SLC12A6: variants seen among roughly 807,000 people sequenced by gnomAD.
SLC12A6 encodes the protein K-Cl cotransporter 3.
A neutral mutation model predicts 135.3 loss-of-function variants in SLC12A6; 66 were observed. That is an observed-to-expected ratio of 0.49 (90% CI 0.40 to 0.60). The LOEUF (loss-of-function observed/expected upper bound fraction) is 0.60. Ranked by LOEUF, SLC12A6 falls within the 20% of genes least tolerant of loss-of-function variation. The probability of loss-of-function intolerance (pLI) is 0.00; values close to 1 mark genes in which losing one functional copy is unlikely to be tolerated. For missense variants in SLC12A6, 1,058 were observed against 1,452.3 expected, an observed-to-expected ratio of 0.73 and a Z score of 4.41; for synonymous variants, 513 against 508.8, an observed-to-expected ratio of 1.01 and a Z score of -0.11.
At chr15:34,284,084 G>T (rs534357555) in intron 2 of SLC12A6, among the ~76,000 whole-genome samples, 18 of 152,014 alleles carry the variant, frequency 1.2e-4, no homozygotes, top group African/African-American at 3.9e-4. Flanking sequence ...GCTGGTTTGA[G>T]AATGGATTGT....
Position 34,233,848 on chromosome 15 carries a change from G to C in SLC12A6, c.*33C>G. The C allele has an allele frequency of 8.2e-7, 1 of 1,221,094 alleles. No individual in the cohort carries two copies. The highest frequency in any genetic ancestry group is 1.2e-6 in the Non-Finnish European group (1 of 820,506). 75.6% of individuals were successfully genotyped at this position (1,221,094 alleles called of 1,614,324 possible). On this transcript the variant is annotated 3_prime_UTR_variant, in exon 26 of 26. Coordinates refer to ENST00000354181, the MANE Select transcript of SLC12A6 (RefSeq NM_001365088.1). Reference sequence around the variant, plus strand: ...TCCATGGAGGACGTAGGCCTTTTAAGAAAACAGGTCAAGCACGGTCATTCA... The same window carrying C: ...TCCATGGAGGACGTAGGCCTTTTAACAAAACAGGTCAAGCACGGTCATTCA...
intron 13 of SLC12A6, among the ~76,000 whole-genome samples, chr15:34,249,959 C>T (rs1009537176): frequency 8.5e-5 from 13 of 152,240 alleles, no homozygotes; most frequent in African/African-American, 2.2e-4. Flanking sequence ...GGCTGGAGTA[C>T]GGTGGCACAA....
At position 34,260,991 on chromosome 15, in the gene SLC12A6, A is replaced by C; in HGVS notation, c.346T>G (p.Tyr116Asp). 6.3e-7 allele frequency: 1 copy of C among 1,577,542 alleles called. No individual in the cohort carries two copies. Among genetic ancestry groups the C allele is most frequent in the Non-Finnish European group, 8.7e-7 (1 of 1,146,770 alleles). The change falls in exon 4 of 26, where the codon TAT becomes GAT. Residue 116 changes from tyrosine (Y) to aspartate (D), a missense_variant. Physicochemically the swap from Tyr to Asp is radical, Grantham distance 160 (BLOSUM62 -3). Coordinates refer to ENST00000354181, the MANE Select transcript of SLC12A6 (RefSeq NM_001365088.1). ...TCTTCATAATTGGAATTATTGAGAT[A>C]AGCATTTCGAGCTTTCTTATGTCCG... Reference protein sequence around the residue: ...DDGHKKARNAYLNNSNYEEGD... With the variant: ...DDGHKKARNADLNNSNYEEGD...
chr15:34,285,045 A>T (rs12324422), intron 2 of SLC12A6, among the ~76,000 whole-genome samples: 4,163 of 152,310 alleles, frequency 0.027, 193 homozygotes, highest in African/African-American at 0.095. Context: ...TAGATGTTGG[A>T]GGAGGAATCA....
chr15:34,234,240 A>C (rs1891104197), intron 25 of SLC12A6, among the ~76,000 whole-genome samples: 1 of 152,238 alleles, frequency 6.6e-6, no homozygotes, highest in Non-Finnish European at 1.5e-5. Flanking sequence ...AAAAATGATG[A>C]AAGAAGAAGA....
chr15:34,274,434 A>G (rs1894162246), intron 3 of SLC12A6, among the ~76,000 whole-genome samples: 1 of 152,188 alleles, frequency 6.6e-6, no homozygotes, highest in Non-Finnish European at 1.5e-5. Context: ...TACTTTCTTT[A>G]TATATGCCTT....
rs911520895 is a variant in SLC12A6 at position 34,304,265 on chromosome 15, C to G, written c.272-28876G>C. Among the ~76,000 whole-genome samples the G allele has an allele frequency of 1.3e-5, 2 of 151,968 alleles. 1 individual carries two copies. The highest frequency in any genetic ancestry group is 4.1e-4 in the South Asian group (2 of 4,828). The stretch of plus-strand genomic sequence containing the variant: ...GGAATCAGTACTTTGTTTTTATTGC[C>G]AAATAATATTCCATTATATGGCTAT... On this transcript the variant is annotated intron_variant, in intron 2 of 25. Transcript: ENST00000354181.
chr15:34,262,077 C>G (rs1893173612), intron 3 of SLC12A6, among the ~76,000 whole-genome samples: 1 of 152,160 alleles, frequency 6.6e-6, no homozygotes, highest in South Asian at 2.1e-4. Flanking sequence ...AATTGAAACC[C>G]AACCTTCAAG....
Position 34,233,864 on chromosome 15 carries a change from C to A in SLC12A6, c.*17G>T. 2.1e-6 allele frequency: 3 copies of A among 1,410,088 alleles called. No homozygotes were observed. The highest frequency in any genetic ancestry group is 1.0e-6 in the Non-Finnish European group (1 of 993,480). The allele number at this position is 1,410,088 out of a possible 1,614,324, so 87.3% of individuals were successfully genotyped here. ...GCCTTTTAAGAAAACAGGTCAAGCACGGTCATTCAGAGTAGGTTATGAATA... is the reference window on the plus strand; with the variant it reads ...GCCTTTTAAGAAAACAGGTCAAGCAAGGTCATTCAGAGTAGGTTATGAATA... On this transcript the variant is annotated 3_prime_UTR_variant, in exon 26 of 26. Transcript: ENST00000354181.
intron 2 of SLC12A6, among the ~76,000 whole-genome samples, chr15:34,321,405 T>C (rs186799237): frequency 6.6e-6 from 1 of 152,266 alleles, no homozygotes; most frequent in East Asian, 1.9e-4. Flanking sequence ...ATGTGAGAAA[T>C]AGCTATTTAA....
At chr15:34,285,508 G>GTT (rs746968107) in intron 2 of SLC12A6, among the ~76,000 whole-genome samples, 2 of 143,362 alleles carry the variant, frequency 1.4e-5, no homozygotes, top group African/African-American at 5.0e-5. Context: ...GCTTATGATG[G>GTT]TTTTTTTTTT....
chr15:34,247,512 A>G (rs73388046), intron 13 of SLC12A6, among the ~76,000 whole-genome samples: 25,390 of 151,542 alleles, frequency 0.17, 2,215 homozygotes, highest in East Asian at 0.31. Context: ...GCGAGACTCC[A>G]TCTAGGGGAA....
chr15:34,284,335 C>A (rs1285730525), intron 2 of SLC12A6, among the ~76,000 whole-genome samples: 2 of 141,304 alleles, frequency 1.4e-5, no homozygotes, highest in East Asian at 4.2e-4. Context: ...TAGGCAGGCA[C>A]CATCTCAGCT....
At chr15:34,320,216 T>C (rs907085816) in intron 2 of SLC12A6, among the ~76,000 whole-genome samples, 1 of 152,198 alleles carries the variant, frequency 6.6e-6, no homozygotes, top group African/African-American at 2.4e-5. Context: ...GCAGCACTAT[T>C]CACAACAGCC....
chr15:34,300,052 A>C (rs762914698), intron 2 of SLC12A6, among the ~76,000 whole-genome samples: 1 of 152,198 alleles, frequency 6.6e-6, no homozygotes, highest in Non-Finnish European at 1.5e-5. Flanking sequence ...AAAGAAAAGG[A>C]AAGAGTGACA....
intron 3 of SLC12A6, among the ~76,000 whole-genome samples, chr15:34,272,907 G>T (rs1484216588): frequency 6.6e-6 from 1 of 152,160 alleles, no homozygotes; most frequent in Non-Finnish European, 1.5e-5. Context: ...ATCAGGGACA[G>T]AAACACTTTC....
Position 34,234,603 on chromosome 15 carries a change from C to T in SLC12A6, c.3361+578G>A, listed in dbSNP as rs1353862477. On this transcript the variant is annotated intron_variant, in intron 25 of 25. Transcript: ENST00000354181. ...GCCAGGCTGGTCTCGAACTCCTGAC[C>T]TCAGGTGATCCACCTGCCTTAGCCT... Among the ~76,000 whole-genome samples, 3 of 152,060 alleles carry T rather than the reference C, an allele frequency of 2.0e-5. No individual in the cohort carries two copies. In the East Asian group the frequency reaches 5.8e-4, roughly 29 times the overall value.
At chr15:34,302,540 CAA>C (rs377129050) in intron 2 of SLC12A6, among the ~76,000 whole-genome samples, 6 of 151,814 alleles carry the variant, frequency 4.0e-5, no homozygotes, top group Non-Finnish European at 7.4e-5. Flanking sequence ...TACAAAAATA[CAA>C]AAATTAGCCA....
chr15:34,280,149 T>G (rs1421359619), intron 2 of SLC12A6, among the ~76,000 whole-genome samples: 1 of 152,206 alleles, frequency 6.6e-6, no homozygotes, highest in Non-Finnish European at 1.5e-5. Flanking sequence ...AAAATTTCCT[T>G]TGAGAATCAC....
Sources: allele counts gnomAD v4.1 joint callset (sites outside exome capture counted in the v4.1 genomes callset), GRCh38; gene constraint gnomAD v4.1.1; transcripts MANE v1.5; gene names NCBI Gene and HGNC (gene_info 2026-07-23, HGNC 2026-07-21).